SEMA4B: variants seen among roughly 807,000 people sequenced by gnomAD.
SEMA4B encodes semaphorin-4B.
Under a neutral mutation model 88.1 loss-of-function variants are expected in SEMA4B, and 55 were observed. That is an observed-to-expected ratio of 0.62 (90% confidence interval 0.50 to 0.78). SEMA4B has a LOEUF of 0.78. Among genes scored for constraint, SEMA4B ranks in the 30% least tolerant of loss-of-function variants. The probability of loss-of-function intolerance (pLI) is 0.00; values close to 1 mark genes in which losing one functional copy is unlikely to be tolerated. For missense variants in SEMA4B, 1,062 were observed against 1,111.9 expected (o/e 0.96, Z 0.64); for synonymous variants, 525 against 473.6 (o/e 1.11, Z -1.41).
rs146322083 is a variant in SEMA4B, at chr15:90,203,067, C to T, written c.157+1332C>T. Among the ~76,000 whole-genome samples the T allele has an allele frequency of 3.8e-3, 580 of 152,300 alleles. 6 individuals are homozygous for T. Among genetic ancestry groups the T allele is most frequent in the Non-Finnish European group, 2.6e-3 (177 of 68,024 alleles). ...TGTAAAACAGGTATAATAACAGAAC[C>T]TACCTCAAGGTAGTGAGGATTAAAT... On this transcript the variant is annotated intron_variant, in intron 1 of 13. Transcript: ENST00000411539.
At chr15:90,213,240 G>C (rs184656841) in intron 1 of SEMA4B, among the ~76,000 whole-genome samples, 1 of 151,832 alleles carries the variant, frequency 6.6e-6, no homozygotes, top group Admixed American at 6.5e-5. Context: ...GGCGTGTCCT[G>C]GTGGCACACA....
chr15:90,200,968 C>T (rs1045567926), upstream of SEMA4B, among the ~76,000 whole-genome samples: 8 of 152,112 alleles, frequency 5.3e-5, no homozygotes, highest in Non-Finnish European at 1.2e-4. Context: ...GAGGGGGCGC[C>T]TAAAGGGAGG....
chr15:90,228,818 C>T lies in SEMA4B; in HGVS notation c.*175C>T, dbSNP rs1204254474. ...TCCAGTCAAGTAGCGAAGCTCCTAC[C>T]ACCCAGACACCCAAACAGCCGTGGC... On this transcript the variant is annotated 3_prime_UTR_variant, in exon 14 of 14. Coordinates refer to ENST00000411539, the MANE Select transcript of SEMA4B (RefSeq NM_198925.4). The T allele has an allele frequency of 4.9e-6, 4 of 808,104 alleles. No homozygotes were observed. Among genetic ancestry groups the T allele is most frequent in the Non-Finnish European group, 7.6e-6 (4 of 527,612 alleles). 50.1% of individuals were successfully genotyped at this position (808,104 alleles called of 1,614,324 possible). A position where few individuals can be genotyped will look rare whatever the true frequency, so the allele number is the denominator to read the frequency against.
intron 1 of SEMA4B, among the ~76,000 whole-genome samples, chr15:90,192,766 C>G (rs1248005844): frequency 1.3e-5 from 2 of 151,798 alleles, no homozygotes; most frequent in Admixed American, 6.6e-5. Flanking sequence ...AATTTTTGTA[C>G]TTTTAGTAGA....
At position 90,201,336 on chromosome 15, in the gene SEMA4B, G is replaced by C. The variant is rs1960705664; in HGVS notation, c.-243G>C. 1.7e-6 allele frequency: 2 copies of C among 1,197,754 alleles called. No individual in the cohort carries two copies. Among genetic ancestry groups the C allele is most frequent in the East Asian group, 3.6e-5 (1 of 27,922 alleles). The allele number at this position is 1,197,754 out of a possible 1,614,324, so 74.2% of individuals were successfully genotyped here. ...TTCAGCCCCGCCCTCCGCCGCTTGC[G>C]GGTGAGCTCTGCCCAAGCCGAGGCT... On this transcript the variant is annotated 5_prime_UTR_variant, in exon 1 of 14. Coordinates refer to ENST00000411539, the MANE Select transcript of SEMA4B (RefSeq NM_198925.4).
chr15:90,214,810 G>C (rs554840348), intron 1 of SEMA4B: 3 of 314,816 alleles, frequency 9.5e-6, no homozygotes, highest in East Asian at 9.7e-5. Flanking sequence ...TGACCTACTC[G>C]TGAATTTTTA....
At chr15:90,223,773 G>C (rs1460237023) in intron 8 of SEMA4B, 33 bp downstream of exon 8, 4 of 1,605,224 alleles carry the variant, frequency 2.5e-6, no homozygotes, top group Non-Finnish European at 8.5e-7. Context: ...GAGATGGAAG[G>C]GTGAAGGGTG....
chr15:90,219,749 A>T, intron 3 of SEMA4B, 44 bp from the exon 4 acceptor site: 1 of 1,522,040 alleles, frequency 6.6e-7, no homozygotes, highest in Non-Finnish European at 9.0e-7. Flanking sequence ...CCCTGGTGGC[A>T]TGCTTGGGCG....
chr15:90,221,940 T>G (rs1218412870), intron 7 of SEMA4B, among the ~76,000 whole-genome samples, 175 bp downstream of exon 7: 2 of 151,890 alleles, frequency 1.3e-5, no homozygotes, highest in African/African-American at 4.8e-5. Flanking sequence ...TTTCTTTTTT[T>G]TTTTTCTTTT....
Position 90,227,662 on chromosome 15 carries a change from G to A in SEMA4B, c.1774+20G>A. 6.2e-7 allele frequency: 1 copy of A among 1,612,846 alleles called. No individual in the cohort carries two copies. The highest frequency in any genetic ancestry group is 8.5e-7 in the Non-Finnish European group (1 of 1,178,886). On this transcript the variant is annotated intron_variant, in intron 13 of 13. Coordinates refer to ENST00000411539, the MANE Select transcript of SEMA4B (RefSeq NM_198925.4). The stretch of plus-strand genomic sequence containing the variant: ...CAACAGGTGAGGTGCCCCCTCAAAA[G>A]GTGGAGGAGAGAGGTGGGGACAAGT...
intron 3 of SEMA4B, among the ~76,000 whole-genome samples, chr15:90,218,588 T>C (rs958719548): frequency 1.3e-5 from 2 of 152,094 alleles, no homozygotes; most frequent in Non-Finnish European, 2.9e-5. Flanking sequence ...CACCTCATGG[T>C]CTCCTGAGTG....
chr15:90,202,067 C>T (rs939684211), intron 1 of SEMA4B, among the ~76,000 whole-genome samples: 3 of 152,254 alleles, frequency 2.0e-5, no homozygotes, highest in African/African-American at 7.2e-5. Context: ...GAGCCGACCG[C>T]GGTGCCGCCC....
chr15:90,212,873 G>T lies in SEMA4B; in HGVS notation c.158-4566G>T, dbSNP rs908579712. On this transcript the variant is annotated intron_variant, in intron 1 of 13. Transcript: ENST00000411539. This position sits in a 1 kb window ranked among gnomAD's most constrained non-coding sequence, Gnocchi z 4.0. ...ATGAGACCCTCGTGTGACCAGGTGCGTGCCTAAGTTAGAATCGCCCAGGCT... is the reference window on the plus strand; with the variant it reads ...ATGAGACCCTCGTGTGACCAGGTGCTTGCCTAAGTTAGAATCGCCCAGGCT... Among the ~76,000 whole-genome samples, 2 of 152,204 alleles carry T rather than the reference G, an allele frequency of 1.3e-5. No individual in the cohort carries two copies. Among genetic ancestry groups the T allele is most frequent in the East Asian group, 3.8e-4 (2 of 5,196 alleles).
chr15:90,225,734 G>A lies in SEMA4B; in HGVS notation c.1595G>A (p.Cys532Tyr), dbSNP rs1435681753. 1.9e-6 allele frequency: 3 copies of A among 1,574,018 alleles called. No homozygotes were observed. Among genetic ancestry groups the A allele is most frequent in the East Asian group, 2.4e-5 (1 of 42,264 alleles). Reference protein sequence around the residue: ...PMANCSLYRSCGDCLLARDPY... With the variant: ...PMANCSLYRSYGDCLLARDPY... The stretch of plus-strand genomic sequence containing the variant: ...GCCAACTGCAGCCTGTACAGGAGCT[G>A]TGGGGACTGCCTCCTCGCCCGGGAC... Residue 532 changes from cysteine to tyrosine, a missense_variant, in exon 12 of 14, where the codon TGT becomes TAT. Physicochemically the swap from Cys to Tyr is radical, Grantham distance 194. Transcript: ENST00000411539.
At chr15:90,206,708 G>A (rs756407008) in intron 1 of SEMA4B, 2 of 742,416 alleles carry the variant, frequency 2.7e-6, no homozygotes, top group Non-Finnish European at 2.4e-6. Flanking sequence ...CAAGCGCCAA[G>A]CCCATCTTTG....
Position 90,201,389 on chromosome 15 carries a change from C to T in SEMA4B, c.-190C>T, listed in dbSNP as rs539883576. Reference sequence around the variant, plus strand: ...GGGGCCGGCGCCGGCGGGAGGACTGCGGTGCCCCGCGGAGGGGCTGAGTTT... The same window carrying T: ...GGGGCCGGCGCCGGCGGGAGGACTGTGGTGCCCCGCGGAGGGGCTGAGTTT... On this transcript the variant is annotated 5_prime_UTR_variant, in exon 1 of 14. Transcript: ENST00000411539. 47 of 1,272,374 alleles carry T rather than the reference C, an allele frequency of 3.7e-5. No homozygotes were observed. The East Asian group carries it at 1.5e-3, about 41-fold the overall frequency. 78.8% of individuals were successfully genotyped at this position (1,272,374 alleles called of 1,614,324 possible).
Position 90,228,342 on chromosome 15 carries a change from A to G in SEMA4B, c.2213A>G (p.Tyr738Cys), listed in dbSNP as rs1231363157. 3.1e-6 allele frequency: 5 copies of G among 1,601,024 alleles called. No homozygotes were observed. The highest frequency in any genetic ancestry group is 2.2e-5 in the East Asian group (1 of 44,770). Reference sequence around the variant, plus strand: ...CTGCTCCCAGTTTTATTCTTGCTCTACCGGCACCGGAACAGCATGAAAGTC... The same window carrying G: ...CTGCTCCCAGTTTTATTCTTGCTCTGCCGGCACCGGAACAGCATGAAAGTC... Reference protein sequence around the residue: ...AVLLPVLFLLYRHRNSMKVFL... With the variant: ...AVLLPVLFLLCRHRNSMKVFL... Residue 738 changes from tyrosine (Y) to cysteine (C), a missense_variant, in exon 14 of 14, where the codon TAC becomes TGC. Coordinates refer to ENST00000411539, the MANE Select transcript of SEMA4B (RefSeq NM_198925.4).
intron 12 of SEMA4B, among the ~76,000 whole-genome samples, chr15:90,226,951 C>A (rs1567063433): frequency 1.3e-5 from 2 of 151,548 alleles, no homozygotes; most frequent in South Asian, 2.1e-4. Context: ...GAGAACACAT[C>A]AAAAAAAATT....
chr15:90,206,633 T>A, intron 1 of SEMA4B: 1 of 645,020 alleles, frequency 1.6e-6, no homozygotes, highest in Non-Finnish European at 2.8e-6. Flanking sequence ...ACAAGAGCTG[T>A]TGAAGACAGC....
Sources: gnomAD v4.1 joint callset for allele counts (sites outside exome capture counted in the v4.1 genomes callset) on GRCh38, gnomAD v4.1.1 for gene constraint, Gnocchi (gnomAD v3.1) non-coding constraint, MANE v1.5 for transcripts, NCBI Gene and HGNC (gene_info 2026-07-23, HGNC 2026-07-21) for gene names.